The following EPB41L5 variants were observed in gnomAD, a reference collection of about 807,000 sequenced individuals.
EPB41L5 encodes erythrocyte membrane protein band 4.1 like 5.
In EPB41L5, 55 loss-of-function variants were observed where a neutral mutation model predicts 106.6. The ratio of observed to expected loss-of-function variants is 0.52; its 90% confidence interval spans 0.42 to 0.65. EPB41L5 has a LOEUF of 0.65. Among genes scored for constraint, EPB41L5 ranks in the 30% least tolerant of loss-of-function variants. The pLI, the probability that EPB41L5 is intolerant of heterozygous loss-of-function variation, is 0.00. For missense variants in EPB41L5, 871 were observed against 882.1 expected, an observed-to-expected ratio of 0.99 and a Z score of 0.16; for synonymous variants, 297 against 306.7, an observed-to-expected ratio of 0.97 and a Z score of 0.33.
chr2:120,047,762 A>T (rs1321867221), intron 3 of EPB41L5, among the ~76,000 whole-genome samples: 1 of 152,192 alleles, frequency 6.6e-6, no homozygotes, highest in Admixed American at 6.6e-5. Flanking sequence ...GAATGCTTCC[A>T]GTTTTTGCCC....
chr2:120,087,610 G>C (rs549147993), intron 11 of EPB41L5, among the ~76,000 whole-genome samples: 1 of 152,100 alleles, frequency 6.6e-6, no homozygotes, highest in Non-Finnish European at 1.5e-5. Context: ...TCAGCCTCCT[G>C]AGTAGCTGGG....
intron 2 of EPB41L5, among the ~76,000 whole-genome samples, chr2:120,041,027 G>GT (rs1312225203): frequency 1.3e-5 from 2 of 152,072 alleles, no homozygotes; most frequent in Admixed American, 6.5e-5. Context: ...CCTACCAATA[G>GT]TTACAGTATT....
intron 18 of EPB41L5, among the ~76,000 whole-genome samples, chr2:120,134,983 CAGAGAG>C (rs540516449): frequency 6.6e-6 from 1 of 151,990 alleles, no homozygotes; most frequent in African/African-American, 2.4e-5. Flanking sequence ...CCCAGATTGA[CAGAGAG>C]AGATATGTGA....
chr2:120,159,553 T>C (rs1213129495), intron 20 of EPB41L5, among the ~76,000 whole-genome samples: 1 of 152,020 alleles, frequency 6.6e-6, no homozygotes, highest in African/African-American at 2.4e-5. Flanking sequence ...GAAGAAACTA[T>C]TTAAAAATTC....
chr2:120,074,035 T>A, intron 4 of EPB41L5, 65 bp from the exon 5 acceptor site: 1 of 1,280,010 alleles, frequency 7.8e-7, no homozygotes. Flanking sequence ...TGACCAGTTT[T>A]CTGGCTGAAA....
chr2:120,067,784 G>A (rs1264376887), intron 3 of EPB41L5, among the ~76,000 whole-genome samples: 1 of 152,086 alleles, frequency 6.6e-6, no homozygotes, highest in South Asian at 2.1e-4. Flanking sequence ...CTAATTTTTG[G>A]TTATAATCTG....
chr2:120,056,971 A>G (rs1006874671), intron 3 of EPB41L5, among the ~76,000 whole-genome samples: 1 of 152,124 alleles, frequency 6.6e-6, no homozygotes, highest in Admixed American at 6.5e-5. Flanking sequence ...ATCACAGCTC[A>G]CTGCGGCCTC....
chr2:120,137,351 A>C (rs1685971261), intron 18 of EPB41L5, among the ~76,000 whole-genome samples: 1 of 152,066 alleles, frequency 6.6e-6, no homozygotes, highest in South Asian at 2.1e-4. Context: ...GTAGAAGAAA[A>C]GAAATAATAA....
rs1558852196 is a variant in EPB41L5 at position 120,077,036 on chromosome 2, C to G, written c.571C>G (p.Pro191Ala). 4 of 1,612,482 alleles carry G rather than the reference C, an allele frequency of 2.5e-6. No homozygotes were observed. The highest frequency in any genetic ancestry group is 3.4e-6 in the Non-Finnish European group (4 of 1,178,970). ...ACTTGTCTCAGAGTTCAGATTCGTG[C>G]CTATTCAGACTGAAGAGATGGAACT... ...PELVSEFRFV[P>A]IQTEEMELAI... The change falls in exon 8 of 25, where the codon CCT becomes GCT. Residue 191 changes from proline (P) to alanine (A), a missense_variant. Physicochemically the swap from Pro to Ala is conservative, Grantham distance 27. Transcript: ENST00000263713.
intron 10 of EPB41L5, among the ~76,000 whole-genome samples, chr2:120,082,849 C>T (rs1682776326): frequency 6.6e-6 from 1 of 152,020 alleles, no homozygotes; most frequent in South Asian, 2.1e-4. Context: ...TGTATGTGTC[C>T]AGGAATTTAT....
intron 20 of EPB41L5, among the ~76,000 whole-genome samples, chr2:120,149,195 T>C (rs757760659): frequency 6.6e-6 from 1 of 151,974 alleles, no homozygotes; most frequent in Admixed American, 6.5e-5. Context: ...AACAGCTTCA[T>C]TGATAAATTT....
chr2:120,156,703 A>G (rs1031380471), intron 20 of EPB41L5, among the ~76,000 whole-genome samples: 2 of 152,234 alleles, frequency 1.3e-5, no homozygotes, highest in South Asian at 2.1e-4. Flanking sequence ...CCTGTATTAC[A>G]TAACAGTAAA....
At chr2:120,088,532 C>T (rs1022624475) in intron 11 of EPB41L5, among the ~76,000 whole-genome samples, 1 of 152,030 alleles carries the variant, frequency 6.6e-6, no homozygotes, top group Non-Finnish European at 1.5e-5. Flanking sequence ...GTGCAATAAA[C>T]CACCATGACA....
At chr2:120,072,360 AG>A (rs2105315939) in intron 3 of EPB41L5, among the ~76,000 whole-genome samples, 1 of 152,340 alleles carries the variant, frequency 6.6e-6, no homozygotes, top group East Asian at 1.9e-4. Context: ...CCATTGTGGA[AG>A]ACAGTGTGGT....
intron 16 of EPB41L5, chr2:120,106,650 A>G (rs997647307): frequency 1.1e-4 from 111 of 984,380 alleles, no homozygotes; most frequent in Non-Finnish European, 1.3e-4. Context: ...ATTTAACTTA[A>G]TTAATTTAAC....
chr2:120,074,212 T>G (rs1378327897), intron 5 of EPB41L5, 34 bp downstream of exon 5: 1 of 1,490,330 alleles, frequency 6.7e-7, no homozygotes, highest in Non-Finnish European at 9.3e-7. Flanking sequence ...GCCAGGGTTA[T>G]TTTGATAGTT....
intron 14 of EPB41L5, among the ~76,000 whole-genome samples, chr2:120,095,337 C>T (rs1269198462): frequency 6.6e-6 from 1 of 152,032 alleles, no homozygotes; most frequent in Admixed American, 6.6e-5. Context: ...GTTGCTTTTC[C>T]ATGATATAAC....
At chr2:120,122,416 C>T (rs1248627733) in intron 16 of EPB41L5, among the ~76,000 whole-genome samples, 8 of 152,168 alleles carry the variant, frequency 5.3e-5, no homozygotes, top group Admixed American at 4.6e-4. Context: ...TTCCCAGCAC[C>T]GTTTATTAAA....
At chr2:120,058,696 T>G (rs899710962) in intron 3 of EPB41L5, among the ~76,000 whole-genome samples, 1 of 152,222 alleles carries the variant, frequency 6.6e-6, no homozygotes, top group African/African-American at 2.4e-5. Context: ...CCAGCATTGC[T>G]GGATCTTCAG....
Sources: allele counts gnomAD v4.1 joint callset (sites outside exome capture counted in the v4.1 genomes callset), GRCh38; gene constraint gnomAD v4.1.1; transcripts MANE v1.5; gene names NCBI Gene and HGNC (gene_info 2026-07-23, HGNC 2026-07-21).